Variants in TTC39C observed in about 807,000 individuals in gnomAD.
TTC39C encodes tetratricopeptide repeat domain 39C, also known as tetratricopeptide repeat protein 39C.
Under a neutral mutation model 76.3 loss-of-function variants are expected in TTC39C, and 33 were observed. That is an observed-to-expected ratio of 0.43 (90% CI 0.33 to 0.58). The LOEUF is 0.58. Among genes scored for constraint, TTC39C ranks in the 20% least tolerant of loss-of-function variants. The pLI is 0.04. For missense variants in TTC39C, 595 were observed against 701.4 expected (o/e 0.85, Z 1.71); for synonymous variants, 254 against 260.6 (o/e 0.97, Z 0.24).
chr18:24,032,854 C>T (rs369282556), intron 1 of TTC39C, among the ~76,000 whole-genome samples: 60 of 152,338 alleles, frequency 3.9e-4, no homozygotes, highest in Middle Eastern at 3.4e-3. Flanking sequence ...CATATTTCCC[C>T]CTTTTATACA....
chr18:24,024,445 G>A (rs1226067540), intron 1 of TTC39C, among the ~76,000 whole-genome samples: 1 of 152,170 alleles, frequency 6.6e-6, no homozygotes, highest in Non-Finnish European at 1.5e-5. Flanking sequence ...CAGAGGAGGA[G>A]AGAAAAGAGC....
intron 1 of TTC39C, among the ~76,000 whole-genome samples, chr18:24,053,879 T>C (rs2083983310): frequency 6.6e-6 from 1 of 152,180 alleles, no homozygotes; most frequent in South Asian, 2.1e-4. Context: ...ATAAAACCCT[T>C]TTTGATTTTT....
intron 1 of TTC39C, among the ~76,000 whole-genome samples, chr18:24,052,920 C>G (rs956796006): frequency 3.3e-5 from 5 of 152,194 alleles, no homozygotes; most frequent in African/African-American, 4.8e-5. Flanking sequence ...GATAGAGCCA[C>G]TGGGATTACT....
intron 4 of TTC39C, among the ~76,000 whole-genome samples, chr18:24,079,756 T>TA (rs1470811963): frequency 1.3e-5 from 2 of 152,058 alleles, no homozygotes; most frequent in Non-Finnish European, 2.9e-5. Flanking sequence ...TATTTTATTT[T>TA]TTTTTGGCAA....
At chr18:23,997,388 TA>T (rs1429624128) in intron 1 of TTC39C, among the ~76,000 whole-genome samples, 1 of 151,530 alleles carries the variant, frequency 6.6e-6, no homozygotes, top group Non-Finnish European at 1.5e-5. Context: ...CTGTCCCTAC[TA>T]AAAATACGAA....
intron 7 of TTC39C, among the ~76,000 whole-genome samples, chr18:24,116,193 C>T (rs1201089910): frequency 6.6e-6 from 1 of 152,124 alleles, no homozygotes; most frequent in African/African-American, 2.4e-5. Flanking sequence ...TGCTTCCTTC[C>T]ATCTCTATTT....
intron 6 of TTC39C, among the ~76,000 whole-genome samples, chr18:24,102,981 A>G (rs1453146263): frequency 2.6e-5 from 4 of 152,076 alleles, no homozygotes; most frequent in Non-Finnish European, 1.5e-5. Flanking sequence ...GTGTGCACAT[A>G]GTCCCACCTA....
At position 24,123,839 on chromosome 18, in the gene TTC39C, C is replaced by G. The variant is rs1390411645; in HGVS notation, c.1192C>G (p.Gln398Glu). 23 of 1,606,444 alleles carry G rather than the reference C, an allele frequency of 1.4e-5. No homozygotes were observed. The highest frequency in any genetic ancestry group is 2.0e-5 in the Non-Finnish European group (23 of 1,177,712). Residue 398 changes from glutamine to glutamate, a missense_variant, in exon 9 of 14, where the codon CAG becomes GAG. By Grantham distance (29) the Gln-to-Glu change is conservative. Transcript: ENST00000317571. Reference protein sequence around the residue: ...CYYAYLTAVCQGATGDVDGAQ... With the variant: ...CYYAYLTAVCEGATGDVDGAQ... ...ATAATTATGGTTTCTTACAGTTTGT[C>G]AGGGAGCCACTGGTGATGTGGATGG... is the stretch of plus-strand genomic sequence containing the variant.
intron 1 of TTC39C, among the ~76,000 whole-genome samples, chr18:24,060,980 C>T (rs1395159617): frequency 1.3e-5 from 2 of 152,118 alleles, no homozygotes; most frequent in East Asian, 3.8e-4. Context: ...CTTTTAGGGA[C>T]ATTTAAGTCA....
In TTC39C at chr18:24,132,790, ATAAC is replaced by A. The variant is rs1159814829; in HGVS notation, c.*221_*224del. 1.4e-5 allele frequency: 6 copies of A among 437,194 alleles called. No individual in the cohort carries two copies. The highest frequency in any genetic ancestry group is 4.1e-5 in the African/African-American group (2 of 49,244). 27.1% of individuals were successfully genotyped at this position (437,194 alleles called of 1,614,324 possible). ...GTTGAGGAGGATGATGATGGTAATAATAACTAACCACCTGGGGAGAGGGTTAAGT... is the reference window on the plus strand; with the variant it reads ...GTTGAGGAGGATGATGATGGTAATAATAACCACCTGGGGAGAGGGTTAAGT... On this transcript the variant is annotated 3_prime_UTR_variant, in exon 14 of 14. Coordinates refer to ENST00000317571, the MANE Select transcript of TTC39C (RefSeq NM_001135993.2).
At chr18:24,052,746 C>T (rs993955355) in intron 1 of TTC39C, among the ~76,000 whole-genome samples, 2 of 152,114 alleles carry the variant, frequency 1.3e-5, no homozygotes, top group African/African-American at 4.8e-5. Flanking sequence ...CTTCCAGGAG[C>T]AGGCTCAGTG....
At chr18:24,024,016 A>T (rs9959746) in intron 1 of TTC39C, among the ~76,000 whole-genome samples, 3,301 of 5,470 alleles carry the variant, frequency 0.6, 1,294 homozygotes, top group Non-Finnish European at 0.74. Context: ...ATATATATAT[A>T]TTTTTTTTTT....
chr18:24,046,675 C>G (rs536566182), intron 1 of TTC39C, among the ~76,000 whole-genome samples: 5 of 151,834 alleles, frequency 3.3e-5, no homozygotes, highest in Non-Finnish European at 4.4e-5. Flanking sequence ...GCATATCATA[C>G]TACTATGAAT....
At chr18:24,083,863 T>C (rs745793719) in intron 6 of TTC39C, among the ~76,000 whole-genome samples, 8 of 152,220 alleles carry the variant, frequency 5.3e-5, no homozygotes, top group Non-Finnish European at 1.0e-4. Flanking sequence ...ATAGCTGTTA[T>C]AGTAGCTGCT....
intron 1 of TTC39C, among the ~76,000 whole-genome samples, chr18:24,054,564 A>G (rs144776372): frequency 0.014 from 2,058 of 152,196 alleles, 26 homozygotes; most frequent in Middle Eastern, 0.017. Context: ...TGCCCTTCAC[A>G]ACAATTTTTT....
At chr18:24,018,608 C>T (rs527403320) in intron 1 of TTC39C, among the ~76,000 whole-genome samples, 2 of 151,868 alleles carry the variant, frequency 1.3e-5, no homozygotes, top group Non-Finnish European at 2.9e-5. Flanking sequence ...AGAGAAGCAG[C>T]GTCTAACTCA....
chr18:23,994,312 C>T, intron 1 of TTC39C: 1 of 114,670 alleles, frequency 8.7e-6, no homozygotes, highest in South Asian at 2.7e-4. Flanking sequence ...TTGTAGTAAC[C>T]AAAAAAAAAA....
At chr18:24,072,489 G>T (rs985710091) in intron 4 of TTC39C, among the ~76,000 whole-genome samples, 5 of 152,156 alleles carry the variant, frequency 3.3e-5, no homozygotes, top group African/African-American at 1.2e-4. Context: ...TAGAGACAGG[G>T]TTTCACCATG....
chr18:24,033,993 G>C (rs1320348160), intron 1 of TTC39C, among the ~76,000 whole-genome samples: 4 of 152,246 alleles, frequency 2.6e-5, no homozygotes, highest in African/African-American at 9.6e-5. Flanking sequence ...TATCTAAATG[G>C]AAGGAATAGC....
Sources: gnomAD v4.1 joint callset for allele counts (sites outside exome capture counted in the v4.1 genomes callset) on GRCh38, gnomAD v4.1.1 for gene constraint, MANE v1.5 for transcripts, NCBI Gene and HGNC (gene_info 2026-07-23, HGNC 2026-07-21) for gene names.